NDEL1: variants seen among roughly 807,000 people sequenced by gnomAD.
NDEL1 encodes the protein nuclear distribution protein nudE-like 1.
Under a neutral mutation model 45.7 loss-of-function variants are expected in NDEL1, and 9 were observed. The observed-to-expected ratio is 0.20, with a 90% CI of 0.12 to 0.34. NDEL1 has a LOEUF of 0.34. NDEL1 is among the 10% of genes least tolerant of loss of function. NDEL1 has a pLI of 1.00. For missense variants in NDEL1, 306 were observed against 406.2 expected (o/e 0.75, Z 2.12); for synonymous variants, 133 against 158.6 (o/e 0.84, Z 1.21).
rs1029192500 is a variant in NDEL1 at position 8,446,796 on chromosome 17, T to A, written c.283T>A (p.Ser95Thr). The A allele has an allele frequency of 1.9e-6, 3 of 1,614,042 alleles. No individual in the cohort carries two copies. Among genetic ancestry groups the A allele is most frequent in the African/African-American group, 2.7e-5 (2 of 74,906 alleles). The part of the protein sequence containing the change: ...HQYAQSYKQV[S>T]VLEDDLSQTR... ...ATATGCACAGAGCTATAAGCAGGTC[T>A]CAGTGTTAGAAGATGATTTAAGTCA... Residue 95 changes from serine to threonine, a missense_variant, in exon 4 of 9, where the codon TCA becomes ACA. Physicochemically the swap from Ser to Thr is moderately conservative, Grantham distance 58. Around this residue, in one of 3 missense-constraint regions of NDEL1, gnomAD observed 112 missense variants for 148.3 expected, o/e 0.76. Transcript: ENST00000334527.
At chr17:8,428,919 T>C (rs12326044) in intron 1 of NDEL1, among the ~76,000 whole-genome samples, 145,957 of 151,700 alleles carry the variant, frequency 0.96, 70,469 homozygotes, top group East Asian at 1. Flanking sequence ...GTGATCTGCC[T>C]GCCTTGGCCT....
chr17:8,470,171 C>T (rs758980016), downstream of NDEL1, among the ~76,000 whole-genome samples: 1 of 152,154 alleles, frequency 6.6e-6, no homozygotes, highest in Non-Finnish European at 1.5e-5. The surrounding 1 kb of genome is among the most constrained non-coding windows in gnomAD (Gnocchi z 4.2). Flanking sequence ...GGCATGAATG[C>T]CGCTACGTAC....
At chr17:8,429,204 G>A (rs1908942430) in intron 1 of NDEL1, among the ~76,000 whole-genome samples, 1 of 152,150 alleles carries the variant, frequency 6.6e-6, no homozygotes. Flanking sequence ...AGGATTTGGG[G>A]TATTTTCCAG....
downstream of NDEL1, among the ~76,000 whole-genome samples, chr17:8,469,214 T>G (rs748270476): frequency 3.9e-5 from 6 of 152,172 alleles, no homozygotes; most frequent in Non-Finnish European, 7.4e-5. Context: ...CCCTTGTTGA[T>G]GTGCAGCAAC....
chr17:8,422,759 C>T (rs889505192), intron 1 of NDEL1, among the ~76,000 whole-genome samples: 12 of 128,130 alleles, frequency 9.4e-5, no homozygotes, highest in African/African-American at 3.2e-4. Context: ...TTTTTTGAGA[C>T]GGAGTCTTGC....
At chr17:8,432,561 T>G (rs915677391), upstream of NDEL1, among the ~76,000 whole-genome samples, 3 of 151,296 alleles carry the variant, frequency 2.0e-5, no homozygotes, top group Admixed American at 1.3e-4. Flanking sequence ...ATTTTTTGGA[T>G]TTTTAGTAGA....
intron 1 of NDEL1, among the ~76,000 whole-genome samples, chr17:8,417,521 G>A (rs1400657129): frequency 1.3e-5 from 2 of 152,202 alleles, no homozygotes; most frequent in East Asian, 3.8e-4. Context: ...GGAACTAGAA[G>A]CCGATTGAAG....
At chr17:8,453,346 A>G (rs554742803) in intron 6 of NDEL1, among the ~76,000 whole-genome samples, 216 of 152,358 alleles carry the variant, frequency 1.4e-3, no homozygotes, top group Middle Eastern at 6.8e-3. Flanking sequence ...TCTGTGGAAA[A>G]CAAACATAAA....
At chr17:8,447,480 A>C (rs1028070575) in intron 4 of NDEL1, among the ~76,000 whole-genome samples, 1 of 152,162 alleles carries the variant, frequency 6.6e-6, no homozygotes, top group African/African-American at 2.4e-5. Flanking sequence ...AAACTGTCTC[A>C]TGCATTCCCC....
intron 1 of NDEL1, among the ~76,000 whole-genome samples, chr17:8,422,499 C>A (rs1335801416): frequency 6.6e-6 from 1 of 151,812 alleles, no homozygotes; most frequent in South Asian, 2.1e-4. Context: ...ATCTTGTCCC[C>A]AGCACTTCAG....
chr17:8,428,932 C>A (rs1238625447), intron 1 of NDEL1, among the ~76,000 whole-genome samples: 1 of 152,178 alleles, frequency 6.6e-6, no homozygotes, highest in South Asian at 2.1e-4. Context: ...CTTGGCCTCC[C>A]AAAGTGCTGG....
chr17:8,432,346 A>ATTT (rs1262367802), upstream of NDEL1, among the ~76,000 whole-genome samples: 2 of 21,548 alleles, frequency 9.3e-5, no homozygotes, highest in East Asian at 3.8e-3. Flanking sequence ...TATTATATAT[A>ATTT]AATATAAATA....
intron 6 of NDEL1, among the ~76,000 whole-genome samples, chr17:8,453,857 A>T (rs554370906): frequency 6.6e-6 from 1 of 152,308 alleles, no homozygotes; most frequent in Non-Finnish European, 1.5e-5. Flanking sequence ...ATATTTTAAC[A>T]TTATAATAAA....
intron 1 of NDEL1, among the ~76,000 whole-genome samples, chr17:8,415,664 G>A (rs1908530780): frequency 6.6e-6 from 1 of 152,026 alleles, no homozygotes; most frequent in Non-Finnish European, 1.5e-5. Flanking sequence ...TGGAACTCCT[G>A]GGCTCTTGCC....
intron 1 of NDEL1, among the ~76,000 whole-genome samples, chr17:8,422,365 G>A (rs1304967786): frequency 6.6e-6 from 1 of 151,634 alleles, no homozygotes; most frequent in African/African-American, 2.4e-5. Context: ...CTGGAGTGCA[G>A]TGGTGCGATC....
intron 4 of NDEL1, among the ~76,000 whole-genome samples, 167 bp downstream of exon 4, chr17:8,447,069 A>C (rs1431584989): frequency 6.6e-6 from 1 of 152,210 alleles, no homozygotes; most frequent in African/African-American, 2.4e-5. Flanking sequence ...CTCATCTCCC[A>C]GATAACGCCC....
At chr17:8,432,710 A>G (rs890249977), upstream of NDEL1, among the ~76,000 whole-genome samples, 1 of 152,090 alleles carries the variant, frequency 6.6e-6, no homozygotes, top group African/African-American at 2.4e-5. Flanking sequence ...TTAGGAAACA[A>G]AAAGTCTTCA....
In NDEL1 at chr17:8,454,792, C is replaced by T; in HGVS notation, c.701-4C>T. 1 of 1,607,984 alleles carries T rather than the reference C, an allele frequency of 6.2e-7. No homozygotes were observed. Among genetic ancestry groups the T allele is most frequent in the Non-Finnish European group, 8.5e-7 (1 of 1,177,420 alleles). On this transcript the variant is annotated splice_region_variant and splice_polypyrimidine_tract_variant and intron_variant, in intron 6 of 8. Coordinates refer to ENST00000334527, the MANE Select transcript of NDEL1 (RefSeq NM_030808.5). ...GTAATCACTCAGCTTTTATTTTTCT[C>T]TAGCTATACCAAATGGTTTTGGTAC...
chr17:8,454,450 C>A (rs527529416), intron 6 of NDEL1, among the ~76,000 whole-genome samples: 1 of 151,904 alleles, frequency 6.6e-6, no homozygotes, highest in Admixed American at 6.5e-5. Context: ...TTAGCACAGG[C>A]TTTTTAGAGA....
Sources: gnomAD v4.1 joint callset for allele counts (sites outside exome capture counted in the v4.1 genomes callset) on GRCh38, gnomAD v4.1.1 for gene constraint, gnomAD v4.1.1 regional missense constraint, Gnocchi (gnomAD v3.1) non-coding constraint, MANE v1.5 for transcripts, NCBI Gene and HGNC (gene_info 2026-07-23, HGNC 2026-07-21) for gene names.